ERC2: variants seen among roughly 807,000 people sequenced by gnomAD.
ERC2 encodes ERC protein 2.
In ERC2, 42 loss-of-function variants were observed where a neutral mutation model predicts 114.8. The ratio of observed to expected loss-of-function variants is 0.37; its 90% CI spans 0.29 to 0.47. ERC2 has a LOEUF of 0.47. ERC2 is among the 20% of genes least tolerant of loss of function. The pLI is 0.99. For missense variants in ERC2, 939 were observed against 1,150.7 expected (o/e 0.82, Z 2.66); for synonymous variants, 454 against 425.5 (o/e 1.07, Z -0.82).
intron 17 of ERC2, among the ~76,000 whole-genome samples, chr3:55,627,878 T>C (rs1289271772): frequency 6.9e-6 from 1 of 145,148 alleles, no homozygotes; most frequent in Non-Finnish European, 1.5e-5. Context: ...GACTGGGACT[T>C]GGTGCTTTTT....
At chr3:56,030,910 C>T (rs542581343) in intron 7 of ERC2, among the ~76,000 whole-genome samples, 4 of 152,176 alleles carry the variant, frequency 2.6e-5, no homozygotes, top group Admixed American at 1.3e-4. Flanking sequence ...GAGAGAGATA[C>T]ATGGGGAAAA....
At chr3:56,054,682 T>C (rs572334960) in intron 7 of ERC2, among the ~76,000 whole-genome samples, 1 of 152,314 alleles carries the variant, frequency 6.6e-6, no homozygotes, top group African/African-American at 2.4e-5. Flanking sequence ...ACAACTTGAC[T>C]CAGTCCATAC....
chr3:56,196,493 CTTTTT>C (rs58861980), intron 3 of ERC2, among the ~76,000 whole-genome samples: 1 of 120,676 alleles, frequency 8.3e-6, no homozygotes, highest in Admixed American at 8.3e-5. Context: ...TTCTTGCCTT[CTTTTT>C]TTTTTTTTTT....
At chr3:56,185,969 A>G (rs1019035568) in intron 3 of ERC2, among the ~76,000 whole-genome samples, 1 of 152,092 alleles carries the variant, frequency 6.6e-6, no homozygotes, top group African/African-American at 2.4e-5. Context: ...CATCATGTGC[A>G]AGGACCACAG....
chr3:56,358,313 C>T (rs982299784), intron 2 of ERC2, among the ~76,000 whole-genome samples: 2 of 152,178 alleles, frequency 1.3e-5, no homozygotes, highest in Non-Finnish European at 2.9e-5. Context: ...TTTTAAACCA[C>T]ATGAAATGGA....
chr3:55,927,571 A>T lies in ERC2; in HGVS notation c.2403+22854T>A, dbSNP rs564359388. On this transcript the variant is annotated intron_variant, in intron 13 of 17. Transcript: ENST00000288221. Reference sequence around the variant, plus strand: ...AGTAAATGAGGTATCTATCACCTCAAGCATTTATCCTTTCTTTGTATTACA... The same window carrying T: ...AGTAAATGAGGTATCTATCACCTCATGCATTTATCCTTTCTTTGTATTACA... 2.6e-5 allele frequency among the ~76,000 whole-genome samples: 4 copies of T among 152,320 alleles called. No individual in the cohort carries two copies. The East Asian group carries it at 7.7e-4, about 29-fold the overall frequency.
chr3:55,864,097 GTA>G (rs10548129), intron 14 of ERC2, among the ~76,000 whole-genome samples: 91,157 of 132,358 alleles, frequency 0.69, 31,368 homozygotes, highest in East Asian at 0.93. Context: ...TCAGCAGCAG[GTA>G]TATATATATA....
intron 17 of ERC2, among the ~76,000 whole-genome samples, chr3:55,614,429 T>G (rs1575776621): frequency 6.6e-6 from 1 of 152,274 alleles, no homozygotes; most frequent in Admixed American, 6.5e-5. Context: ...CTCACTACTC[T>G]CCAGTTCTGC....
chr3:55,957,892 T>A (rs1212037476), intron 12 of ERC2, among the ~76,000 whole-genome samples: 1 of 152,160 alleles, frequency 6.6e-6, no homozygotes, highest in African/African-American at 2.4e-5. Context: ...CAGCCCTGGC[T>A]CCGGGAGACC....
At chr3:56,067,393 G>A (rs1002268124) in intron 7 of ERC2, among the ~76,000 whole-genome samples, 1 of 152,166 alleles carries the variant, frequency 6.6e-6, no homozygotes, top group African/African-American at 2.4e-5. Context: ...TTTGCACATT[G>A]ATTTTGTATC....
At chr3:55,535,545 G>C (rs2053943718) in intron 17 of ERC2, among the ~76,000 whole-genome samples, 1 of 152,178 alleles carries the variant, frequency 6.6e-6, no homozygotes, top group Non-Finnish European at 1.5e-5. Flanking sequence ...ACTGGTGTGA[G>C]CCACCGGCAG....
intron 14 of ERC2, among the ~76,000 whole-genome samples, chr3:55,799,450 CATATATAT>C (rs59209006): frequency 2.8e-5 from 3 of 106,206 alleles, no homozygotes; most frequent in African/African-American, 8.6e-5. Context: ...TATATATATG[CATATATAT>C]ATATATATAT....
At chr3:55,771,969 A>G (rs2068239451) in intron 14 of ERC2, among the ~76,000 whole-genome samples, 1 of 152,124 alleles carries the variant, frequency 6.6e-6, no homozygotes, top group South Asian at 2.1e-4. Flanking sequence ...TCCATCAGCG[A>G]CCTGGGAGCA....
At chr3:55,595,390 CT>C (rs2058082159) in intron 17 of ERC2, among the ~76,000 whole-genome samples, 1 of 152,210 alleles carries the variant, frequency 6.6e-6, no homozygotes, top group South Asian at 2.1e-4. Context: ...GAAATTTTTC[CT>C]GTCCAGTACC....
At chr3:55,770,896 T>C (rs1420240160) in intron 14 of ERC2, among the ~76,000 whole-genome samples, 2 of 151,296 alleles carry the variant, frequency 1.3e-5, no homozygotes, top group African/African-American at 4.9e-5. Flanking sequence ...ACATGCGGTG[T>C]TTGGTTTTCT....
chr3:55,644,979 TC>T (rs2060332115), intron 17 of ERC2, among the ~76,000 whole-genome samples: 2 of 152,066 alleles, frequency 1.3e-5, no homozygotes, highest in Admixed American at 1.3e-4. Context: ...TATGCAGTGG[TC>T]ATCTAGCGTG....
At chr3:56,374,094 T>C (rs184748404) in intron 2 of ERC2, among the ~76,000 whole-genome samples, 24 of 152,120 alleles carry the variant, frequency 1.6e-4, no homozygotes, top group Non-Finnish European at 3.1e-4. Flanking sequence ...AGTGTTTTTG[T>C]TTGTTTGTTT....
At chr3:55,731,360 G>T (rs77455331) in intron 15 of ERC2, among the ~76,000 whole-genome samples, 2,764 of 152,322 alleles carry the variant, frequency 0.018, 43 homozygotes, top group Non-Finnish European at 0.026. Context: ...ATGTCAATTA[G>T]TAGTAGTAGC....
rs80126587 is a variant in ERC2, at chr3:55,697,940, G to A, written c.2847+1438C>T. On this transcript the variant is annotated intron_variant, in intron 16 of 17. Coordinates refer to ENST00000288221, the MANE Select transcript of ERC2 (RefSeq NM_015576.3). ...TGAGAACGAGTTGGTTTAGTTAGCA[G>A]GATGCCAGGTCTACTGGAGCAGGCA... is the stretch of plus-strand genomic sequence containing the variant. Among the ~76,000 whole-genome samples, 346 of 152,160 alleles carry A rather than the reference G, an allele frequency of 2.3e-3. 1 individual carries two copies. Among genetic ancestry groups the A allele is most frequent in the Admixed American group, 0.011 (161 of 15,276 alleles).
Sources: gnomAD v4.1 joint callset for allele counts (sites outside exome capture counted in the v4.1 genomes callset) on GRCh38, gnomAD v4.1.1 for gene constraint, MANE v1.5 for transcripts, NCBI Gene and HGNC (gene_info 2026-07-23, HGNC 2026-07-21) for gene names.